Variants in CDK12 observed in about 807,000 individuals in gnomAD.
CDK12 encodes the protein cyclin-dependent kinase 12.
In CDK12, 17 loss-of-function variants were observed where a neutral mutation model predicts 133.8. The ratio of observed to expected loss-of-function variants is 0.13; its 90% CI spans 0.09 to 0.19. The LOEUF (loss-of-function observed/expected upper bound fraction) is 0.19. CDK12 is among the 10% of genes least tolerant of loss of function. CDK12 has a pLI of 1.00. For synonymous variants in CDK12, 694 were observed against 683.6 expected (o/e 1.02, Z -0.24); for missense variants, 1,508 against 1,818.7 (o/e 0.83, Z 3.11).
Position 39,469,904 on chromosome 17 carries a change from T to C in CDK12, c.1047-975T>C, listed in dbSNP as rs147586403. Among the ~76,000 whole-genome samples the C allele has an allele frequency of 2.6e-3, 402 of 152,272 alleles. 7 individuals carry two copies. In the East Asian group the frequency reaches 0.03, roughly 11 times the overall value. On this transcript the variant is annotated intron_variant, in intron 1 of 13. Coordinates refer to ENST00000447079, the MANE Select transcript of CDK12 (RefSeq NM_016507.4). ...CACCCATCTTGGCCTCCCAAAGTGC[T>C]GGGATTACAGGCGTGAGCCACCGCA...
chr17:39,555,828 TACACAC>T (rs60227908), intron 2 of CDK12, among the ~76,000 whole-genome samples: 6,360 of 108,554 alleles, frequency 0.059, 336 homozygotes, highest in African/African-American at 0.1. Context: ...ACCTCATCTC[TACACAC>T]ACACACACAC....
At chr17:39,489,662 T>G (rs544579869) in intron 2 of CDK12, among the ~76,000 whole-genome samples, 1 of 150,974 alleles carries the variant, frequency 6.6e-6, no homozygotes, top group South Asian at 2.1e-4. Flanking sequence ...CCGGCTAATT[T>G]TTTGTAGTTT....
At chr17:39,496,783 G>C (rs371582574) in intron 5 of CDK12, among the ~76,000 whole-genome samples, 1 of 151,828 alleles carries the variant, frequency 6.6e-6, no homozygotes, top group Non-Finnish European at 1.5e-5. Context: ...TATTTTCATT[G>C]TATAGCATTT....
intron 5 of CDK12, among the ~76,000 whole-genome samples, chr17:39,499,848 T>C (rs1393548306): frequency 6.6e-6 from 1 of 152,158 alleles, no homozygotes; most frequent in African/African-American, 2.4e-5. Context: ...TTATAACACA[T>C]TTATTATGAT....
chr17:39,506,397 T>G (rs2053130001), intron 6 of CDK12, among the ~76,000 whole-genome samples: 1 of 151,844 alleles, frequency 6.6e-6, no homozygotes, highest in Non-Finnish European at 1.5e-5. Flanking sequence ...GTATTTTTAG[T>G]AGAGACGGGG....
At chr17:39,518,605 T>C (rs1046479000) in intron 10 of CDK12, among the ~76,000 whole-genome samples, 5 of 151,718 alleles carry the variant, frequency 3.3e-5, no homozygotes, top group Non-Finnish European at 5.9e-5. Context: ...GTCACCCAGG[T>C]TGGAGTGCAG....
At chr17:39,562,260 G>T (rs1384894799) in intron 3 of CDK12, among the ~76,000 whole-genome samples, 1 of 152,110 alleles carries the variant, frequency 6.6e-6, no homozygotes, top group Non-Finnish European at 1.5e-5. Context: ...AATTATATAG[G>T]CACCACACTT....
At chr17:39,517,967 C>G (rs2053917675) in intron 10 of CDK12, among the ~76,000 whole-genome samples, 1 of 150,794 alleles carries the variant, frequency 6.6e-6, no homozygotes, top group African/African-American at 2.4e-5. Context: ...ATCCTCCCAC[C>G]TTAGCCTTCA....
downstream of CDK12, among the ~76,000 whole-genome samples, chr17:39,536,866 C>T (rs938933584): frequency 1.3e-5 from 2 of 152,212 alleles, no homozygotes; most frequent in African/African-American, 4.8e-5. Context: ...CAACCTTCAG[C>T]TACAGCATAC....
rs1176938165 is a variant in CDK12, at chr17:39,526,036, G to A, written c.3480G>A (p.Leu1160=). 4 of 1,614,218 alleles carry A rather than the reference G, an allele frequency of 2.5e-6. No individual in the cohort carries two copies. The Admixed American group carries it at 5.0e-5, about 20-fold the overall frequency. ...LEALNQSISA[L]TEATSQQQDS... is the part of the protein sequence containing the mutation. Reference sequence around the variant, plus strand: ...CCCTGAACCAATCCATCAGTGCCCTGACGGAAGCTACTTCCCAGCAGCAGG... The same window carrying A: ...CCCTGAACCAATCCATCAGTGCCCTAACGGAAGCTACTTCCCAGCAGCAGG... Residue 1160 remains leucine, a synonymous_variant, in exon 13 of 14, where the codon CTG becomes CTA. Transcript: ENST00000447079.
chr17:39,480,079 A>G (rs2050520029), intron 2 of CDK12, among the ~76,000 whole-genome samples: 1 of 151,722 alleles, frequency 6.6e-6, no homozygotes, highest in Non-Finnish European at 1.5e-5. Flanking sequence ...CCCCGCCATC[A>G]CGCCTAGCTA....
chr17:39,506,752 T>C (rs1357916290), intron 6 of CDK12, among the ~76,000 whole-genome samples: 1 of 152,158 alleles, frequency 6.6e-6, no homozygotes, highest in Non-Finnish European at 1.5e-5. Context: ...TACTTGAAGT[T>C]CTTCTCAAAA....
intron 8 of CDK12, among the ~76,000 whole-genome samples, chr17:39,512,731 C>G (rs2053572563): frequency 1.3e-5 from 2 of 152,194 alleles, no homozygotes; most frequent in Admixed American, 6.5e-5. Context: ...ATCCTCCCAT[C>G]TGTTTGGCTG....
At chr17:39,541,401 T>C (rs2143775477) in intron 1 of CDK12, among the ~76,000 whole-genome samples, 1 of 147,190 alleles carries the variant, frequency 6.8e-6, no homozygotes, top group Admixed American at 6.8e-5. Flanking sequence ...AGAGTCTCGC[T>C]CTGTCACCCA....
intron 3 of CDK12, chr17:39,564,750 G>A (rs1002279102): frequency 2.0e-5 from 3 of 152,198 alleles, no homozygotes; most frequent in Non-Finnish European, 4.4e-5. Context: ...CCTGTCTTGG[G>A]TTCCCTTAGC....
chr17:39,515,933 C>A, intron 9 of CDK12, 125 bp downstream of exon 9: 1 of 591,076 alleles, frequency 1.7e-6, no homozygotes, highest in South Asian at 2.9e-5. Flanking sequence ...TTTCTCTTTA[C>A]TCAGTCAGGT....
At chr17:39,536,652 G>A (rs1183587286), downstream of CDK12, among the ~76,000 whole-genome samples, 2 of 152,114 alleles carry the variant, frequency 1.3e-5, no homozygotes, top group African/African-American at 4.8e-5. Flanking sequence ...GGGCTCTCTG[G>A]TATCTAAGAG....
At chr17:39,499,930 A>C (rs1174240021) in intron 5 of CDK12, among the ~76,000 whole-genome samples, 1 of 152,214 alleles carries the variant, frequency 6.6e-6, no homozygotes, top group Non-Finnish European at 1.5e-5. Context: ...TTATGTAACA[A>C]ATGGGCATGG....
At chr17:39,478,028 ATT>A (rs371201748) in intron 2 of CDK12, among the ~76,000 whole-genome samples, 5 of 108,092 alleles carry the variant, frequency 4.6e-5, no homozygotes, top group Admixed American at 9.3e-5. Flanking sequence ...TTTAAACATG[ATT>A]TTTTTTTTTT....
Sources: allele counts gnomAD v4.1 joint callset (sites outside exome capture counted in the v4.1 genomes callset), GRCh38; gene constraint gnomAD v4.1.1; transcripts MANE v1.5; gene names NCBI Gene and HGNC (gene_info 2026-07-23, HGNC 2026-07-21).